Variants in GLRA3 observed in about 807,000 individuals in gnomAD.
GLRA3 encodes the protein glycine receptor alpha 3, also known as glycine receptor subunit alpha-3.
Under a neutral mutation model 60.4 loss-of-function variants are expected in GLRA3, and 44 were observed. The observed-to-expected ratio is 0.73, with a 90% CI of 0.57 to 0.94. The LOEUF (loss-of-function observed/expected upper bound fraction) is 0.94, where lower values mean the gene tolerates loss of function less well. GLRA3 is among the 40% of genes least tolerant of loss of function. The pLI, the probability that GLRA3 is intolerant of heterozygous loss-of-function variation, is 0.00. For synonymous variants in GLRA3, 223 were observed against 192.9 expected, an observed-to-expected ratio of 1.16 and a Z score of -1.29; for missense variants, 508 against 564.6, an observed-to-expected ratio of 0.90 and a Z score of 1.02.
At chr4:174,746,041 G>T (rs1409323718) in intron 3 of GLRA3, among the ~76,000 whole-genome samples, 1 of 152,068 alleles carries the variant, frequency 6.6e-6, no homozygotes, top group Non-Finnish European at 1.5e-5. Flanking sequence ...TACACTCTTG[G>T]CAGGAATGTA....
At chr4:174,645,320 G>A (rs767384192) in intron 9 of GLRA3, among the ~76,000 whole-genome samples, 38 of 151,268 alleles carry the variant, frequency 2.5e-4, no homozygotes, top group Admixed American at 1.4e-3. Flanking sequence ...GCTGAGGCAG[G>A]AGAATCGCTT....
chr4:174,671,579 C>T (rs750076795), intron 7 of GLRA3, among the ~76,000 whole-genome samples: 12 of 152,038 alleles, frequency 7.9e-5, no homozygotes, highest in Non-Finnish European at 1.5e-4. Context: ...TAGTTATAAT[C>T]ATTTTTAAAA....
At position 174,682,793 on chromosome 4, in the gene GLRA3, A is replaced by C. The variant is rs1385689470; in HGVS notation, c.712+9T>G. The C allele has an allele frequency of 1.2e-6, 2 of 1,604,248 alleles. No individual in the cohort carries two copies. The highest frequency in any genetic ancestry group is 1.7e-6 in the Non-Finnish European group (2 of 1,172,222). On this transcript the variant is annotated intron_variant, in intron 6 of 9. Coordinates refer to ENST00000274093, the MANE Select transcript of GLRA3 (RefSeq NM_006529.4). The stretch of plus-strand genomic sequence containing the variant: ...GTAGTAAGTGTAAAGAACACTACTC[A>C]ACCCCTACCTGTATTGTAATGTTTA...
intron 1 of GLRA3, among the ~76,000 whole-genome samples, chr4:174,812,849 T>A (rs1740326425): frequency 6.6e-6 from 1 of 152,168 alleles, no homozygotes; most frequent in Non-Finnish European, 1.5e-5. Flanking sequence ...CTTTTTTTCC[T>A]ACCTTTCTTC....
intron 2 of GLRA3, among the ~76,000 whole-genome samples, chr4:174,772,133 G>T (rs971138949): frequency 8.5e-5 from 13 of 152,268 alleles, no homozygotes; most frequent in African/African-American, 2.9e-4. Context: ...TAAGGCCGAT[G>T]GATGAAATAC....
intron 7 of GLRA3, among the ~76,000 whole-genome samples, chr4:174,659,498 A>G (rs1733352967): frequency 6.6e-6 from 1 of 152,172 alleles, no homozygotes; most frequent in Non-Finnish European, 1.5e-5. Flanking sequence ...GAACATTGAA[A>G]TATAGATAAT....
chr4:174,824,185 T>C (rs2111405107), intron 1 of GLRA3, among the ~76,000 whole-genome samples: 1 of 152,310 alleles, frequency 6.6e-6, no homozygotes, highest in Non-Finnish European at 1.5e-5. Flanking sequence ...CCTCCAACTA[T>C]CCAAATCCTC....
chr4:174,779,238 C>A (rs1406257986), intron 2 of GLRA3, among the ~76,000 whole-genome samples: 2 of 152,134 alleles, frequency 1.3e-5, no homozygotes, highest in African/African-American at 4.8e-5. Flanking sequence ...CTCCAACAGA[C>A]CTGCAGCTGA....
chr4:174,768,740 A>T (rs571167999), intron 2 of GLRA3, among the ~76,000 whole-genome samples: 1 of 152,278 alleles, frequency 6.6e-6, no homozygotes, highest in Non-Finnish European at 1.5e-5. Context: ...GTAAGATGCC[A>T]GTAGGTAGCA....
chr4:174,751,016 A>G (rs1737451909), intron 3 of GLRA3, among the ~76,000 whole-genome samples: 1 of 152,054 alleles, frequency 6.6e-6, no homozygotes, highest in South Asian at 2.1e-4. Flanking sequence ...AACAAAGTTT[A>G]CCCTTATATC....
chr4:174,659,328 A>G (rs1337469498), intron 7 of GLRA3, 131 bp from the exon 8 acceptor site: 1 of 672,794 alleles, frequency 1.5e-6, no homozygotes, highest in Non-Finnish European at 2.4e-6. Flanking sequence ...GAAAATGACA[A>G]TTTTTTCTTG....
intron 6 of GLRA3, among the ~76,000 whole-genome samples, chr4:174,678,244 G>T (rs950564503): frequency 6.6e-6 from 1 of 152,066 alleles, no homozygotes; most frequent in Non-Finnish European, 1.5e-5. Flanking sequence ...GTAAATGATG[G>T]TTTAATAAAC....
chr4:174,730,637 G>A (rs144854523), intron 3 of GLRA3, among the ~76,000 whole-genome samples: 230 of 152,242 alleles, frequency 1.5e-3, no homozygotes, highest in Middle Eastern at 0.01. Context: ...TAGTACTAGT[G>A]ATAAACTTTA....
At chr4:174,773,816 G>T in intron 2 of GLRA3, among the ~76,000 whole-genome samples, 1 of 151,986 alleles carries the variant, frequency 6.6e-6, no homozygotes, top group South Asian at 2.1e-4. Flanking sequence ...CCCAAATGCT[G>T]CACTAAAGTC....
intron 3 of GLRA3, among the ~76,000 whole-genome samples, chr4:174,757,340 C>T (rs1457438646): frequency 3.3e-5 from 5 of 152,080 alleles, no homozygotes; most frequent in Admixed American, 3.3e-4. Flanking sequence ...GCAATGAAAC[C>T]TCTGTAGCAA....
intron 5 of GLRA3, among the ~76,000 whole-genome samples, chr4:174,694,632 T>C (rs1734980658): frequency 6.6e-6 from 1 of 151,982 alleles, no homozygotes; most frequent in Admixed American, 6.5e-5. Flanking sequence ...ATCAAAAAGT[T>C]GGAAAGATCT....
intron 7 of GLRA3, among the ~76,000 whole-genome samples, chr4:174,666,056 C>T (rs1579411395): frequency 3.9e-5 from 6 of 152,096 alleles, no homozygotes; most frequent in Admixed American, 3.9e-4. Flanking sequence ...GAATATAACT[C>T]ATATGGTTCC....
chr4:174,667,716 A>G (rs1335616725), intron 7 of GLRA3, among the ~76,000 whole-genome samples: 1 of 152,178 alleles, frequency 6.6e-6, no homozygotes, highest in Non-Finnish European at 1.5e-5. Flanking sequence ...TTTGGACTGC[A>G]CAATATCTTA....
intron 5 of GLRA3, among the ~76,000 whole-genome samples, chr4:174,692,246 C>T (rs1236505224): frequency 1.4e-4 from 21 of 150,244 alleles, no homozygotes; most frequent in South Asian, 2.2e-4. Flanking sequence ...CCAGGCCAGC[C>T]GCCCCATCCG....
Sources: allele counts gnomAD v4.1 joint callset (sites outside exome capture counted in the v4.1 genomes callset), GRCh38; gene constraint gnomAD v4.1.1; transcripts MANE v1.5; gene names NCBI Gene and HGNC (gene_info 2026-07-23, HGNC 2026-07-21).